HS3ST1: variants seen among roughly 807,000 people sequenced by gnomAD.
The protein encoded by HS3ST1 is heparan sulfate glucosamine 3-O-sulfotransferase 1.
A neutral mutation model predicts 20.7 loss-of-function variants in HS3ST1; 8 were observed. The observed-to-expected ratio is 0.39, with a 90% CI of 0.23 to 0.70. The LOEUF (loss-of-function observed/expected upper bound fraction) is 0.70. Ranked by LOEUF, HS3ST1 falls within the 30% of genes least tolerant of loss-of-function variation. HS3ST1 has a pLI of 0.46. For synonymous variants in HS3ST1, 205 were observed against 190.4 expected (o/e 1.08, Z -0.63); for missense variants, 436 against 423.4 (o/e 1.03, Z -0.26).
intron 1 of HS3ST1, among the ~76,000 whole-genome samples, chr4:11,416,442 A>G (rs1429272391): frequency 3.3e-5 from 5 of 152,182 alleles, no homozygotes; most frequent in African/African-American, 7.2e-5. Context: ...TCAATGAGCA[A>G]TGACAACAGT....
chr4:11,423,140 A>G (rs1325872847), intron 1 of HS3ST1, among the ~76,000 whole-genome samples: 3 of 150,826 alleles, frequency 2.0e-5, no homozygotes, highest in Non-Finnish European at 4.4e-5. Context: ...TAATCATTTG[A>G]GATCATGTTT....
At chr4:11,403,538 C>A (rs1204226128) in intron 1 of HS3ST1, among the ~76,000 whole-genome samples, 1 of 152,200 alleles carries the variant, frequency 6.6e-6, no homozygotes, top group Non-Finnish European at 1.5e-5. Context: ...GGACTTTTGG[C>A]TCCAGAAGTC....
chr4:11,404,394 C>T (rs1049366576), intron 1 of HS3ST1, among the ~76,000 whole-genome samples: 4 of 152,178 alleles, frequency 2.6e-5, no homozygotes, highest in Non-Finnish European at 5.9e-5. Context: ...TTTTTTTCTA[C>T]CCAGTCTTCA....
rs941645160 is a variant in HS3ST1, at chr4:11,393,389, G to A, written c.*5693C>T. ...TTGCTATTTGCTAGCCAATAAAATA[G>A]ACTCATTCTCTGCTATATCTCATTT... On this transcript the variant is annotated 3_prime_UTR_variant, in exon 2 of 2. Transcript: ENST00000002596. 1 of 152,128 alleles carries A rather than the reference G, an allele frequency of 6.6e-6. No homozygotes were observed. Among genetic ancestry groups the A allele is most frequent in the Non-Finnish European group, 1.5e-5 (1 of 68,038 alleles). The allele number at this position is 152,128 out of a possible 1,614,324, so 9.4% of individuals were successfully genotyped here. A position where few individuals can be genotyped will look rare whatever the true frequency, so the allele number is the denominator to read the frequency against.
intron 1 of HS3ST1, among the ~76,000 whole-genome samples, chr4:11,427,207 G>A (rs1437037857): frequency 6.6e-6 from 1 of 152,192 alleles, no homozygotes; most frequent in Admixed American, 6.5e-5. Context: ...ACGCACGGGT[G>A]GGAATGAAGG....
At chr4:11,428,011 C>T (rs1719105496) in intron 1 of HS3ST1, among the ~76,000 whole-genome samples, 1 of 152,174 alleles carries the variant, frequency 6.6e-6, no homozygotes, top group Admixed American at 6.5e-5. Context: ...CGCACCCCGC[C>T]ATCCCTCACC....
Position 11,399,059 on chromosome 4 carries a change from T to G in HS3ST1, c.*23A>C. 2.5e-6 allele frequency: 4 copies of G among 1,587,374 alleles called. No homozygotes were observed. Among genetic ancestry groups the G allele is most frequent in the Non-Finnish European group, 3.4e-6 (4 of 1,163,168 alleles). On this transcript the variant is annotated 3_prime_UTR_variant, in exon 2 of 2. Coordinates refer to ENST00000002596, the MANE Select transcript of HS3ST1 (RefSeq NM_005114.4). This position sits in a 1 kb window ranked among gnomAD's most constrained non-coding sequence, Gnocchi z 5.1. Reference sequence around the variant, plus strand: ...ACACCAGAACTTACAGTAGGAAAGTTTCTGAGCTTAGCTTATTGCAAATCA... The same window carrying G: ...ACACCAGAACTTACAGTAGGAAAGTGTCTGAGCTTAGCTTATTGCAAATCA...
chr4:11,425,402 C>T (rs1292502575), intron 1 of HS3ST1, among the ~76,000 whole-genome samples: 1 of 152,104 alleles, frequency 6.6e-6, no homozygotes, highest in Non-Finnish European at 1.5e-5. Flanking sequence ...AGGGCCCTCT[C>T]TTCAAACAGA....
At chr4:11,404,949 T>C (rs1718425385) in intron 1 of HS3ST1, among the ~76,000 whole-genome samples, 1 of 152,236 alleles carries the variant, frequency 6.6e-6, no homozygotes, top group African/African-American at 2.4e-5. Flanking sequence ...AAGTCTTGTG[T>C]CTAGAAAGTT....
At chr4:11,400,190 G>T in intron 1 of HS3ST1, 77 bp from the exon 2 acceptor site, 2 of 1,250,266 alleles carry the variant, frequency 1.6e-6, no homozygotes, top group Non-Finnish European at 2.1e-6. Context: ...TAGCCACTCT[G>T]TAGTGAGGCC....
At chr4:11,419,163 C>T (rs1272261025) in intron 1 of HS3ST1, among the ~76,000 whole-genome samples, 4 of 151,978 alleles carry the variant, frequency 2.6e-5, no homozygotes, top group Non-Finnish European at 5.9e-5. Flanking sequence ...CTCTCTCCCT[C>T]TATCCATCTT....
At position 11,393,777 on chromosome 4, in the gene HS3ST1, A is replaced by G. The variant is rs1371605404; in HGVS notation, c.*5305T>C. 1.3e-5 allele frequency: 2 copies of G among 152,232 alleles called. No individual in the cohort carries two copies. The highest frequency in any genetic ancestry group is 2.4e-5 in the African/African-American group (1 of 41,452). The allele number at this position is 152,232 out of a possible 1,614,324, so 9.4% of individuals were successfully genotyped here. A position where few individuals can be genotyped will look rare whatever the true frequency, so the allele number is the denominator to read the frequency against. On this transcript the variant is annotated 3_prime_UTR_variant, in exon 2 of 2. Transcript: ENST00000002596. ...CTACTACCCCCATGCCCCATCCCACATGGGTCAGTCAATCATTAGTCATGC... is the reference window on the plus strand; with the variant it reads ...CTACTACCCCCATGCCCCATCCCACGTGGGTCAGTCAATCATTAGTCATGC...
At position 11,396,078 on chromosome 4, in the gene HS3ST1, G is replaced by A. The variant is rs911911617; in HGVS notation, c.*3004C>T. 6.6e-6 allele frequency: 1 copy of A among 152,192 alleles called. No homozygotes were observed. The highest frequency in any genetic ancestry group is 1.5e-5 in the Non-Finnish European group (1 of 68,044). The allele number at this position is 152,192 out of a possible 1,614,324, so 9.4% of individuals were successfully genotyped here. ...AAATTTTAATGAATAATGGTGACCT[G>A]TGACACCACCCCTGTAAGCAGCAGG... is the stretch of plus-strand genomic sequence containing the variant. On this transcript the variant is annotated 3_prime_UTR_variant, in exon 2 of 2. Coordinates refer to ENST00000002596, the MANE Select transcript of HS3ST1 (RefSeq NM_005114.4).
chr4:11,415,064 A>G (rs1037884594), intron 1 of HS3ST1, among the ~76,000 whole-genome samples: 2 of 152,246 alleles, frequency 1.3e-5, no homozygotes, highest in African/African-American at 4.8e-5. Flanking sequence ...ACATTATTTC[A>G]TCAACATTAA....
rs1269602036 is a variant in HS3ST1, at chr4:11,399,391, G to T, written c.615C>A (p.Arg205=). ...TGTGGATGTGGCGCAGCGGGAAAAA[G>T]CGCAGCCAGTTCTGCATGTGCACGT... ...LYHVHMQNWL[R]FFPLRHIHIV... Residue 205 remains arginine, a synonymous_variant, in exon 2 of 2, where the codon CGC becomes CGA. Transcript: ENST00000002596. This position sits in a 1 kb window ranked among gnomAD's most constrained non-coding sequence, Gnocchi z 5.1. The T allele has an allele frequency of 6.2e-7, 1 of 1,614,056 alleles. No individual in the cohort carries two copies. The highest frequency in any genetic ancestry group is 1.1e-5 in the South Asian group (1 of 91,082).
rs1202955849 is a variant in HS3ST1 at position 11,395,051 on chromosome 4, C to G, written c.*4031G>C. Reference sequence around the variant, plus strand: ...TAACACATTTGACATGCCACTCAGACAAATCTCTTGCCTACCTCTACCCTC... The same window carrying G: ...TAACACATTTGACATGCCACTCAGAGAAATCTCTTGCCTACCTCTACCCTC... On this transcript the variant is annotated 3_prime_UTR_variant, in exon 2 of 2. Transcript: ENST00000002596. 1.3e-5 allele frequency: 2 copies of G among 152,166 alleles called. No individual in the cohort carries two copies. 9.4% of individuals were successfully genotyped at this position (152,166 alleles called of 1,614,324 possible).
chr4:11,422,018 G>A (rs570688829), intron 1 of HS3ST1, among the ~76,000 whole-genome samples: 4 of 152,314 alleles, frequency 2.6e-5, no homozygotes, highest in African/African-American at 7.2e-5. Context: ...TGAAAGTAAG[G>A]AATTATCTAC....
upstream of HS3ST1, among the ~76,000 whole-genome samples, chr4:11,432,127 A>G (rs1719217377): frequency 1.3e-5 from 2 of 152,166 alleles, no homozygotes. Context: ...TCTCTTTCCC[A>G]CAAAATATGT....
intron 1 of HS3ST1, among the ~76,000 whole-genome samples, chr4:11,418,671 G>A (rs1392019655): frequency 6.6e-6 from 1 of 152,120 alleles, no homozygotes; most frequent in Non-Finnish European, 1.5e-5. Flanking sequence ...GCAGGCAGGT[G>A]GGGCTTAGGG....
Sources: allele counts gnomAD v4.1 joint callset (sites outside exome capture counted in the v4.1 genomes callset), GRCh38; gene constraint gnomAD v4.1.1; non-coding constraint Gnocchi (gnomAD v3.1); transcripts MANE v1.5; gene names NCBI Gene and HGNC (gene_info 2026-07-23, HGNC 2026-07-21).